GALNT17: variants seen among roughly 807,000 people sequenced by gnomAD.
GALNT17 encodes polypeptide N-acetylgalactosaminyltransferase 17, also known as UDP-GalNAc:polypeptide N-acetylgalactosaminyltransferase-like 3.
GALNT17 carries 29 observed loss-of-function variants against 63.7 expected under a neutral mutation model. The observed-to-expected ratio is 0.46, with a 90% CI of 0.34 to 0.62. GALNT17 has a LOEUF of 0.62. Ranked by LOEUF, GALNT17 falls within the 20% of genes least tolerant of loss-of-function variation. The pLI is 0.01. For missense variants in GALNT17, 603 were observed against 799.6 expected (o/e 0.75, Z 2.97); for synonymous variants, 305 against 318.3 (o/e 0.96, Z 0.45).
chr7:71,156,680 C>T (rs10272925), intron 1 of GALNT17, among the ~76,000 whole-genome samples: 26,494 of 142,648 alleles, frequency 0.19, 3,850 homozygotes, highest in African/African-American at 0.39. Flanking sequence ...CTCCCTCCCT[C>T]CCTTCCTTCC....
At chr7:71,561,388 G>C (rs987230487) in intron 5 of GALNT17, among the ~76,000 whole-genome samples, 5 of 152,182 alleles carry the variant, frequency 3.3e-5, no homozygotes, top group Non-Finnish European at 7.3e-5. Context: ...ACTCAGTACT[G>C]ATTATACCTT....
intron 5 of GALNT17, among the ~76,000 whole-genome samples, chr7:71,520,077 TCA>T (rs1411349710): frequency 6.6e-6 from 1 of 152,072 alleles, no homozygotes; most frequent in Non-Finnish European, 1.5e-5. Context: ...CTCAAAGAGC[TCA>T]CAGTCTATGA....
chr7:71,312,286 T>C (rs1489568170), intron 1 of GALNT17, among the ~76,000 whole-genome samples: 1 of 152,194 alleles, frequency 6.6e-6, no homozygotes, highest in Admixed American at 6.5e-5. Flanking sequence ...TCCTTGAATT[T>C]CTTCCTGGGC....
chr7:71,315,130 G>GT lies in GALNT17; in HGVS notation c.239-20413dup, dbSNP rs1342178394. On this transcript the variant is annotated intron_variant, in intron 1 of 10. Transcript: ENST00000333538. ...TATATATGGAAGCATACATCTATTTGTTTTTTTGTCGGCCTTTATTCACTT... is the reference window on the plus strand; with the variant it reads ...TATATATGGAAGCATACATCTATTTGTTTTTTTTGTCGGCCTTTATTCACTT... 3.9e-5 allele frequency among the ~76,000 whole-genome samples: 6 copies of GT among 152,210 alleles called. No homozygotes were observed. The South Asian group carries it at 6.2e-4, about 16-fold the overall frequency.
chr7:71,616,836 TATA>T (rs1309901229), intron 6 of GALNT17, among the ~76,000 whole-genome samples: 1 of 60,808 alleles, frequency 1.6e-5, no homozygotes, highest in Non-Finnish European at 3.7e-5. Context: ...TATTATATAT[TATA>T]ATTATGTATT....
chr7:71,248,978 GT>G (rs5884828), intron 1 of GALNT17, among the ~76,000 whole-genome samples: 139,544 of 152,210 alleles, frequency 0.92, 64,074 homozygotes, highest in East Asian at 1. Context: ...TAGAGGTGAT[GT>G]TATGCTCCCT....
At chr7:71,585,088 T>C (rs1584070412) in intron 6 of GALNT17, among the ~76,000 whole-genome samples, 2 of 152,316 alleles carry the variant, frequency 1.3e-5, no homozygotes, top group East Asian at 3.9e-4. Flanking sequence ...CTTCTTTTTA[T>C]TTTTCTAAGC....
intron 1 of GALNT17, among the ~76,000 whole-genome samples, chr7:71,155,309 C>T (rs762747577): frequency 5.9e-5 from 9 of 151,308 alleles, no homozygotes; most frequent in Non-Finnish European, 1.2e-4. Context: ...GGTCTCACTC[C>T]GTTGCCCAGG....
chr7:71,139,480 T>C (rs1267536441), intron 1 of GALNT17, among the ~76,000 whole-genome samples: 17 of 152,112 alleles, frequency 1.1e-4, no homozygotes, highest in Admixed American at 1.1e-3. Flanking sequence ...TTGAAAATCT[T>C]TGTAGAAATG....
At chr7:71,482,111 G>GTGTGTGTGTGTGTGTGTA (rs1240118382) in intron 5 of GALNT17, among the ~76,000 whole-genome samples, 3 of 150,866 alleles carry the variant, frequency 2.0e-5, no homozygotes, top group East Asian at 4.1e-4. Flanking sequence ...GTGTGTGTGT[G>GTGTGTGTGTGTGTGTGTA]TGTATGTATG....
At chr7:71,195,503 T>C (rs1789031173) in intron 1 of GALNT17, among the ~76,000 whole-genome samples, 1 of 152,086 alleles carries the variant, frequency 6.6e-6, no homozygotes, top group African/African-American at 2.4e-5. Flanking sequence ...TACCTGAGTC[T>C]CCTATAGCTG....
chr7:71,664,680 G>A (rs1454010041), intron 6 of GALNT17, among the ~76,000 whole-genome samples: 2 of 152,186 alleles, frequency 1.3e-5, no homozygotes, highest in Non-Finnish European at 2.9e-5. Flanking sequence ...TATGAATAAA[G>A]ATCTGTTTCT....
chr7:71,145,330 A>G lies in GALNT17; in HGVS notation c.238+12290A>G, dbSNP rs563948399. 1.1e-4 allele frequency among the ~76,000 whole-genome samples: 17 copies of G among 152,226 alleles called. 1 individual carries two copies. The South Asian group carries it at 3.5e-3, about 32-fold the overall frequency. ...GGCAACAAAGCGAGACTCCATTGCT[A>G]CAACATAACTAAAAACCTAGCTGGG... On this transcript the variant is annotated intron_variant, in intron 1 of 10. Transcript: ENST00000333538.
intron 1 of GALNT17, among the ~76,000 whole-genome samples, chr7:71,276,388 A>G (rs927757591): frequency 6.6e-6 from 1 of 152,200 alleles, no homozygotes; most frequent in Non-Finnish European, 1.5e-5. Context: ...CACAATAGCA[A>G]AGTCAAGGAA....
intron 9 of GALNT17, among the ~76,000 whole-genome samples, chr7:71,678,252 G>A (rs186150655): frequency 6.6e-6 from 1 of 151,924 alleles, no homozygotes; most frequent in Non-Finnish European, 1.5e-5. Context: ...AGCCTCCTGA[G>A]TAGCTGAGAT....
At chr7:71,250,811 T>A (rs1264738940) in intron 1 of GALNT17, among the ~76,000 whole-genome samples, 1 of 152,208 alleles carries the variant, frequency 6.6e-6, no homozygotes, top group Non-Finnish European at 1.5e-5. Context: ...AAAACCCTTT[T>A]CCCTGAGCAC....
intron 5 of GALNT17, among the ~76,000 whole-genome samples, chr7:71,501,247 G>A (rs888539566): frequency 1.3e-5 from 2 of 151,912 alleles, no homozygotes; most frequent in African/African-American, 2.4e-5. Flanking sequence ...GGGATTACAG[G>A]TGTGAGCCAC....
At chr7:71,565,333 A>C (rs1789324511) in intron 5 of GALNT17, among the ~76,000 whole-genome samples, 1 of 151,908 alleles carries the variant, frequency 6.6e-6, no homozygotes, top group Admixed American at 6.6e-5. Flanking sequence ...GAGGGATCTG[A>C]AGAAGAGGGA....
intron 8 of GALNT17, among the ~76,000 whole-genome samples, chr7:71,673,435 CGCT>C (rs1791101766): frequency 6.6e-6 from 1 of 152,012 alleles, no homozygotes; most frequent in Admixed American, 6.6e-5. Flanking sequence ...AAACTGAAAT[CGCT>C]GCTATTTTAG....
Sources: allele counts gnomAD v4.1 joint callset (sites outside exome capture counted in the v4.1 genomes callset), GRCh38; gene constraint gnomAD v4.1.1; transcripts MANE v1.5; gene names NCBI Gene and HGNC (gene_info 2026-07-23, HGNC 2026-07-21).